The following CCSER1 variants were observed in gnomAD, a reference collection of about 807,000 sequenced individuals.
CCSER1 encodes the protein coiled-coil serine rich protein 1, also known as serine-rich coiled-coil domain-containing protein 1.
A neutral mutation model predicts 82.0 loss-of-function variants in CCSER1; 41 were observed. That is an observed-to-expected ratio of 0.50 (90% CI 0.39 to 0.65). The LOEUF (loss-of-function observed/expected upper bound fraction) is 0.65. Among genes scored for constraint, CCSER1 ranks in the 30% least tolerant of loss-of-function variants. CCSER1 has a pLI of 0.00. For synonymous variants in CCSER1, 414 were observed against 383.9 expected, an observed-to-expected ratio of 1.08 and a Z score of -0.92; for missense variants, 1,119 against 1,064.2, an observed-to-expected ratio of 1.05 and a Z score of -0.72.
chr4:90,623,339 G>A (rs1279658026), intron 5 of CCSER1, among the ~76,000 whole-genome samples: 1 of 139,132 alleles, frequency 7.2e-6, no homozygotes, highest in Non-Finnish European at 1.6e-5. Context: ...CGGCCAGGAT[G>A]GCAGGATTTT....
intron 6 of CCSER1, among the ~76,000 whole-genome samples, chr4:90,669,668 C>T (rs1732440368): frequency 6.6e-6 from 1 of 152,042 alleles, no homozygotes; most frequent in South Asian, 2.1e-4. Flanking sequence ...GAGTCGTTGA[C>T]TAAAGGTTGG....
At chr4:90,287,967 C>CA (rs33982816) in intron 1 of CCSER1, among the ~76,000 whole-genome samples, 24 of 151,410 alleles carry the variant, frequency 1.6e-4, no homozygotes, top group African/African-American at 5.3e-4. Flanking sequence ...TGAACAACAA[C>CA]AAAAAAAACC....
At chr4:91,326,472 A>T (rs148366250) in intron 10 of CCSER1, among the ~76,000 whole-genome samples, 11 of 152,140 alleles carry the variant, frequency 7.2e-5, no homozygotes, top group Non-Finnish European at 1.6e-4. Context: ...TCATGATCCA[A>T]TCACCTCCCA....
chr4:90,276,239 TTTC>T (rs1727616673), intron 1 of CCSER1, among the ~76,000 whole-genome samples: 15 of 110,174 alleles, frequency 1.4e-4, no homozygotes, highest in Non-Finnish European at 2.4e-4. Context: ...TCTTTCTTTC[TTTC>T]TTTCTTTCTT....
chr4:90,972,006 G>C (rs1735158341), intron 9 of CCSER1, among the ~76,000 whole-genome samples: 1 of 151,700 alleles, frequency 6.6e-6, no homozygotes, highest in African/African-American at 2.4e-5. Context: ...ACATAACAAA[G>C]GCTGTATGTG....
chr4:90,580,702 C>T (rs769480464), intron 5 of CCSER1, among the ~76,000 whole-genome samples: 1 of 152,122 alleles, frequency 6.6e-6, no homozygotes, highest in Non-Finnish European at 1.5e-5. Context: ...TTGAGTTAAC[C>T]TTTATGTTGC....
chr4:90,852,189 A>G (rs1763966811), intron 8 of CCSER1, among the ~76,000 whole-genome samples: 2 of 152,220 alleles, frequency 1.3e-5, no homozygotes, highest in South Asian at 4.1e-4. Context: ...TAAAACAACT[A>G]CAGAAGAGCC....
chr4:91,338,698 A>C (rs1747486961), intron 10 of CCSER1, among the ~76,000 whole-genome samples: 1 of 152,194 alleles, frequency 6.6e-6, no homozygotes, highest in Non-Finnish European at 1.5e-5. Flanking sequence ...CAAATTATGC[A>C]CATTAAGTAA....
chr4:90,942,831 T>C (rs1270195999), intron 9 of CCSER1, among the ~76,000 whole-genome samples: 2 of 149,956 alleles, frequency 1.3e-5, no homozygotes, highest in East Asian at 3.9e-4. Context: ...AGATATAGTT[T>C]AGATTTTTTA....
chr4:91,338,269 A>G (rs1462135782), intron 10 of CCSER1, among the ~76,000 whole-genome samples: 1 of 152,152 alleles, frequency 6.6e-6, no homozygotes, highest in Non-Finnish European at 1.5e-5. Context: ...TATTAATTAT[A>G]AACCTGTAAA....
rs1225376922 is a variant in CCSER1 at position 90,421,042 on chromosome 4, A to G, written c.1603+20913A>G. ...GAAAGCAAACGCTGGTCTTTCTTCT[A>G]AAGGAATAGAATATTTATGTATTTA... On this transcript the variant is annotated intron_variant, in intron 4 of 10. Coordinates refer to ENST00000509176, the MANE Select transcript of CCSER1 (RefSeq NM_001145065.2). 2.0e-5 allele frequency among the ~76,000 whole-genome samples: 3 copies of G among 152,300 alleles called. No homozygotes were observed. The East Asian group carries it at 5.8e-4, about 29-fold the overall frequency.
chr4:90,200,719 G>A (rs1316205691), intron 1 of CCSER1, among the ~76,000 whole-genome samples: 1 of 151,670 alleles, frequency 6.6e-6, no homozygotes, highest in Non-Finnish European at 1.5e-5. Flanking sequence ...TTACCTACTA[G>A]TTTACTATAT....
chr4:91,310,536 C>T (rs1364390611), intron 10 of CCSER1, among the ~76,000 whole-genome samples: 3 of 151,890 alleles, frequency 2.0e-5, no homozygotes, highest in Admixed American at 6.6e-5. Context: ...TGAGCATGAC[C>T]ATTCCAGATT....
intron 7 of CCSER1, among the ~76,000 whole-genome samples, chr4:90,736,757 T>C (rs1745716602): frequency 6.6e-6 from 1 of 152,054 alleles, no homozygotes; most frequent in Non-Finnish European, 1.5e-5. Flanking sequence ...TGTTTTCTGG[T>C]TGTTTTTTCC....
intron 10 of CCSER1, among the ~76,000 whole-genome samples, chr4:91,102,012 GCAGT>G (rs1725114192): frequency 6.7e-6 from 1 of 149,136 alleles, no homozygotes; most frequent in Non-Finnish European, 1.5e-5. Context: ...CCTCACTTTT[GCAGT>G]CAGACAGACC....
At chr4:91,372,553 C>A (rs1446123406) in intron 10 of CCSER1, among the ~76,000 whole-genome samples, 1 of 151,416 alleles carries the variant, frequency 6.6e-6, no homozygotes, top group African/African-American at 2.4e-5. Context: ...GAAAAAAAAG[C>A]CCTCATTTTT....
At chr4:91,098,403 G>A (rs981123955) in intron 10 of CCSER1, among the ~76,000 whole-genome samples, 36 of 152,110 alleles carry the variant, frequency 2.4e-4, no homozygotes, top group African/African-American at 8.2e-4. Context: ...ATTTCAACTG[G>A]AACAAAATAA....
At chr4:90,643,888 T>C (rs1267008576) in intron 6 of CCSER1, among the ~76,000 whole-genome samples, 4 of 152,218 alleles carry the variant, frequency 2.6e-5, no homozygotes, top group African/African-American at 9.6e-5. Context: ...TCTAAATAAA[T>C]GTTACTTCTC....
At chr4:90,638,471 T>G (rs1181625005) in intron 6 of CCSER1, among the ~76,000 whole-genome samples, 1 of 152,136 alleles carries the variant, frequency 6.6e-6, no homozygotes, top group Non-Finnish European at 1.5e-5. Flanking sequence ...TTCTTATAAA[T>G]TATTACAAGT....
Sources: allele counts gnomAD v4.1 joint callset (sites outside exome capture counted in the v4.1 genomes callset), GRCh38; gene constraint gnomAD v4.1.1; transcripts MANE v1.5; gene names NCBI Gene and HGNC (gene_info 2026-07-23, HGNC 2026-07-21).